Variants in SCYL3 observed in about 807,000 individuals in gnomAD.
SCYL3 encodes the protein SCY1 like pseudokinase 3, also known as protein-associating with the carboxyl-terminal domain of ezrin.
A neutral mutation model predicts 73.8 loss-of-function variants in SCYL3; 35 were observed. That is an observed-to-expected ratio of 0.47 (90% CI 0.36 to 0.63). SCYL3 has a LOEUF of 0.63. Among genes scored for constraint, SCYL3 ranks in the 20% least tolerant of loss-of-function variants. The probability of loss-of-function intolerance (pLI) is 0.00; values close to 1 mark genes in which losing one functional copy is unlikely to be tolerated. For synonymous variants in SCYL3, 277 were observed against 295.2 expected (o/e 0.94, Z 0.63); for missense variants, 712 against 798.9 (o/e 0.89, Z 1.31).
chr1:169,865,773 G>C (rs990949959), intron 8 of SCYL3, among the ~76,000 whole-genome samples: 1 of 152,136 alleles, frequency 6.6e-6, no homozygotes, highest in Non-Finnish European at 1.5e-5. Flanking sequence ...TAAATGAACA[G>C]GTACCTGTTC....
rs17602701 is a variant in SCYL3, at chr1:169,859,186, G to A, written c.1167C>T (p.Ser389=). Residue 389 remains serine (S), a synonymous_variant, in exon 11 of 13, where the codon AGC becomes AGT. Coordinates refer to ENST00000367771, the MANE Select transcript of SCYL3 (RefSeq NM_020423.7). ...GCAGAGTAATTGCCACAATGGAATC[G>A]CTAGTATCACGCAGGCCCAGCAAAA... ...PQVLLGLRDT[S]DSIVAITLHS... is the part of the protein sequence containing the mutation. The A allele has an allele frequency of 0.086, 137,953 of 1,612,742 alleles. 6,407 individuals are homozygous for A. The highest frequency in any genetic ancestry group is 0.099 in the Middle Eastern group (597 of 6,046).
intron 11 of SCYL3, among the ~76,000 whole-genome samples, chr1:169,856,964 T>C (rs1278408882): frequency 1.3e-5 from 2 of 152,222 alleles, no homozygotes; most frequent in East Asian, 3.8e-4. Flanking sequence ...CAACTATCAA[T>C]GAGAACTGGG....
intron 12 of SCYL3, chr1:169,854,041 C>CTT (rs1658832012): frequency 1.8e-6 from 1 of 556,810 alleles, no homozygotes. Flanking sequence ...CCTTTTTTTT[C>CTT]TTTTTCAAAT....
At chr1:169,884,513 G>T (rs900505977) in intron 2 of SCYL3, among the ~76,000 whole-genome samples, 2 of 151,472 alleles carry the variant, frequency 1.3e-5, no homozygotes, top group Non-Finnish European at 2.9e-5. Flanking sequence ...GGCCAGGCTG[G>T]TCTCAAACTC....
chr1:169,873,288 G>C (rs1660557032), intron 5 of SCYL3, among the ~76,000 whole-genome samples: 2 of 152,204 alleles, frequency 1.3e-5, no homozygotes, highest in South Asian at 4.1e-4. Flanking sequence ...GCTGCCATGT[G>C]AGAAGTGCCT....
chr1:169,878,939 T>C, intron 2 of SCYL3, 120 bp from the exon 3 acceptor site: 1 of 776,992 alleles, frequency 1.3e-6, no homozygotes, highest in Non-Finnish European at 2.1e-6. Context: ...TTGAGCTCCC[T>C]ACCTTCCTCC....
At chr1:169,870,610 A>G (rs1231334746) in intron 5 of SCYL3, among the ~76,000 whole-genome samples, 1 of 152,244 alleles carries the variant, frequency 6.6e-6, no homozygotes, top group African/African-American at 2.4e-5. Flanking sequence ...AAATATTTTC[A>G]CAGCAATCCA....
chr1:169,854,697 TTAG>T lies in SCYL3; in HGVS notation c.1577_1579del (p.Thr526del). ...AGTGATTCCACCTCCTGGGTTTACT[TTAG>T]TATCTAAGCTGCTGGGCTCGCAGTC... On this transcript the variant is annotated inframe_deletion, in exon 12 of 13. Coordinates refer to ENST00000367771, the MANE Select transcript of SCYL3 (RefSeq NM_020423.7). The T allele has an allele frequency of 6.2e-7, 1 of 1,614,006 alleles. No homozygotes were observed. Among genetic ancestry groups the T allele is most frequent in the Non-Finnish European group, 8.5e-7 (1 of 1,179,928 alleles).
At chr1:169,875,879 A>G in intron 4 of SCYL3, 99 bp downstream of exon 4, 1 of 591,750 alleles carries the variant, frequency 1.7e-6, no homozygotes, top group Non-Finnish European at 2.8e-6. Context: ...CTCCAAATCT[A>G]AGACCAAGCT....
intron 5 of SCYL3, among the ~76,000 whole-genome samples, chr1:169,872,158 A>G (rs1660450688): frequency 6.6e-6 from 1 of 152,212 alleles, no homozygotes; most frequent in African/African-American, 2.4e-5. Flanking sequence ...GCCTAGGAGG[A>G]AAAAGTGGTT....
At chr1:169,875,833 A>G (rs1558135067) in intron 4 of SCYL3, 145 bp downstream of exon 4, 2 of 456,402 alleles carry the variant, frequency 4.4e-6, no homozygotes, top group Non-Finnish European at 7.9e-6. Flanking sequence ...AAATGCTATA[A>G]TTCTATAAAT....
In SCYL3 at chr1:169,854,354, C is replaced by T. The variant is rs754772695; in HGVS notation, c.1923G>A (p.Leu641=). 51 of 1,613,980 alleles carry T rather than the reference C, an allele frequency of 3.2e-5. No homozygotes were observed. Among genetic ancestry groups the T allele is most frequent in the Non-Finnish European group, 4.2e-5 (50 of 1,179,936 alleles). The part of the protein sequence containing the change: ...PSAAFLILPE[L]RTEMVPKKDD... ...CCTTTTTTGGGACCATTTCTGTCCT[C>T]AGTTCAGGTAATATAAGAAAAGCAG... The change falls in exon 12 of 13, where the codon CTG becomes CTA. Residue 641 remains leucine, a synonymous_variant. Coordinates refer to ENST00000367771, the MANE Select transcript of SCYL3 (RefSeq NM_020423.7).
chr1:169,876,412 C>T (rs1345505077), intron 3 of SCYL3, among the ~76,000 whole-genome samples: 1 of 152,200 alleles, frequency 6.6e-6, no homozygotes, highest in Non-Finnish European at 1.5e-5. Context: ...CTATGGGAGT[C>T]AGGGGATATA....
intron 3 of SCYL3, among the ~76,000 whole-genome samples, chr1:169,877,245 T>C (rs985649053): frequency 2.0e-5 from 3 of 152,128 alleles, no homozygotes; most frequent in Non-Finnish European, 4.4e-5. Context: ...AGCCTTGACC[T>C]CCTGGGCTCA....
intron 9 of SCYL3, 24 bp from the exon 10 acceptor site, chr1:169,862,821 A>C: frequency 1.1e-5 from 18 of 1,609,020 alleles, no homozygotes; most frequent in Non-Finnish European, 1.4e-5. Flanking sequence ...CAAAGGTTAC[A>C]GATGAAAAAA....
Position 169,852,082 on chromosome 1 carries a change from G to T in SCYL3, c.*1631C>A. Reference sequence around the variant, plus strand: ...TAGACATGTAAAATTCTGTTTTATGGTAGTTGCTTTTAAAATTAAGAAGTG... The same window carrying T: ...TAGACATGTAAAATTCTGTTTTATGTTAGTTGCTTTTAAAATTAAGAAGTG... On this transcript the variant is annotated 3_prime_UTR_variant, in exon 13 of 13. Transcript: ENST00000367771. 8.9e-7 allele frequency: 1 copy of T among 1,126,500 alleles called. No individual in the cohort carries two copies. The highest frequency in any genetic ancestry group is 2.6e-5 in the East Asian group (1 of 39,134). 69.8% of individuals were successfully genotyped at this position (1,126,500 alleles called of 1,614,324 possible).
intron 11 of SCYL3, 133 bp downstream of exon 11, chr1:169,858,908 G>T: frequency 1.3e-6 from 1 of 765,952 alleles, no homozygotes; most frequent in Non-Finnish European, 2.0e-6. Context: ...GAGAAGTTCA[G>T]AAAGAGAAAT....
In SCYL3 at chr1:169,854,790, C is replaced by T; in HGVS notation, c.1487G>A (p.Arg496Lys). ...NQTVNIQIWP[R>K]EPCDDVKSQC... ...GGACTTGACATCATCACAAGGTTCT[C>T]TAGGCCAAATCTGTATGTTGACAGT... Residue 496 changes from arginine (R) to lysine (K), a missense_variant, in exon 12 of 13, where the codon AGA becomes AAA. Physicochemically the swap from Arg to Lys is conservative, Grantham distance 26. Transcript: ENST00000367771. The T allele has an allele frequency of 6.2e-7, 1 of 1,614,046 alleles. No homozygotes were observed. The highest frequency in any genetic ancestry group is 8.5e-7 in the Non-Finnish European group (1 of 1,179,948).
chr1:169,858,890 A>C, intron 11 of SCYL3, 151 bp downstream of exon 11: 1 of 683,554 alleles, frequency 1.5e-6, no homozygotes, highest in Non-Finnish European at 2.3e-6. Context: ...CCCACTGAAA[A>C]TCCCCCCGAG....
Sources: gnomAD v4.1 joint callset for allele counts (sites outside exome capture counted in the v4.1 genomes callset) on GRCh38, gnomAD v4.1.1 for gene constraint, MANE v1.5 for transcripts, NCBI Gene and HGNC (gene_info 2026-07-23, HGNC 2026-07-21) for gene names.